GLT8D2: variants seen among roughly 807,000 people sequenced by gnomAD.
GLT8D2 encodes glycosyltransferase 8 domain-containing protein 2.
GLT8D2 carries 45 observed loss-of-function variants against 44.5 expected under a neutral mutation model. The ratio of observed to expected loss-of-function variants is 1.01; its 90% CI spans 0.80 to 1.30. The LOEUF is 1.30. GLT8D2 is among the 50% of genes most tolerant of loss of function. The pLI is 0.00. For missense variants in GLT8D2, 400 were observed against 430.4 expected, an observed-to-expected ratio of 0.93 and a Z score of 0.62; for synonymous variants, 156 against 157.2, an observed-to-expected ratio of 0.99 and a Z score of 0.06.
chr12:104,035,380 G>A (rs1027557414), intron 1 of GLT8D2, among the ~76,000 whole-genome samples: 2 of 152,206 alleles, frequency 1.3e-5, no homozygotes, highest in African/African-American at 4.8e-5. Context: ...CAAGCTACAG[G>A]AGGATGTTTG....
At chr12:103,997,945 ACACAC>A (rs1873685012) in intron 6 of GLT8D2, among the ~76,000 whole-genome samples, 1 of 145,964 alleles carries the variant, frequency 6.9e-6, no homozygotes, top group African/African-American at 2.5e-5. Flanking sequence ...ACACACACAC[ACACAC>A]ACACACGTGT....
intron 6 of GLT8D2, among the ~76,000 whole-genome samples, chr12:103,998,537 G>A (rs907336981): frequency 6.6e-6 from 1 of 152,090 alleles, no homozygotes. Flanking sequence ...AGACTCCCGA[G>A]TAGCCGGGGC....
At chr12:104,022,040 AGAAGAAGAAGAAGAAGG>A (rs1877939955) in intron 1 of GLT8D2, among the ~76,000 whole-genome samples, 1 of 134,318 alleles carries the variant, frequency 7.4e-6, no homozygotes, top group African/African-American at 3.3e-5. Context: ...AAGAAGAAGA[AGAAGAAGAAGAAGAAGG>A]GAAAGAAAGA....
At chr12:103,992,339 T>A (rs1872844636) in intron 10 of GLT8D2, among the ~76,000 whole-genome samples, 1 of 152,230 alleles carries the variant, frequency 6.6e-6, no homozygotes, top group South Asian at 2.1e-4. Context: ...GGATAAATTT[T>A]AATGGCAGCT....
intron 1 of GLT8D2, chr12:104,031,632 C>T: frequency 7.5e-7 from 1 of 1,340,502 alleles, no homozygotes; most frequent in South Asian, 1.2e-5. Flanking sequence ...TCACACTGAC[C>T]ACATCTGTAG....
chr12:104,004,218 T>C (rs1415652180), intron 4 of GLT8D2, among the ~76,000 whole-genome samples: 1 of 152,182 alleles, frequency 6.6e-6, no homozygotes, highest in Non-Finnish European at 1.5e-5. Context: ...TAGGCATTGA[T>C]GGGACGTATC....
intron 1 of GLT8D2, among the ~76,000 whole-genome samples, chr12:104,036,165 A>G (rs1879909124): frequency 6.6e-6 from 1 of 152,246 alleles, no homozygotes; most frequent in East Asian, 1.9e-4. Context: ...AGGGAGCACT[A>G]AACATGGAAA....
chr12:104,009,323 G>C (rs1010904958), intron 4 of GLT8D2, among the ~76,000 whole-genome samples: 2 of 152,218 alleles, frequency 1.3e-5, no homozygotes, highest in African/African-American at 4.8e-5. Flanking sequence ...AGATCATTTT[G>C]GAGCTTTAAA....
chr12:104,032,108 T>TA (rs540489013), intron 1 of GLT8D2, among the ~76,000 whole-genome samples: 1 of 143,520 alleles, frequency 7.0e-6, no homozygotes, highest in Non-Finnish European at 1.5e-5. Flanking sequence ...TTACTTTTAT[T>TA]AAAAAAGTAT....
chr12:104,058,070 CAG>C (rs996065819), intron 1 of GLT8D2, among the ~76,000 whole-genome samples: 4 of 152,194 alleles, frequency 2.6e-5, no homozygotes, highest in African/African-American at 9.6e-5. Flanking sequence ...AGTTACACAG[CAG>C]AGTTTCCAGA....
At chr12:104,054,012 T>C (rs2136533235), upstream of GLT8D2, among the ~76,000 whole-genome samples, 1 of 152,346 alleles carries the variant, frequency 6.6e-6, no homozygotes, top group South Asian at 2.1e-4. Context: ...ACATTCAAGA[T>C]GTACGGTGTT....
intron 1 of GLT8D2, among the ~76,000 whole-genome samples, chr12:104,047,296 C>G (rs1881259311): frequency 6.9e-6 from 1 of 144,328 alleles, no homozygotes; most frequent in Non-Finnish European, 1.5e-5. Context: ...TGAACCAGCT[C>G]TCTTAGGCCT....
At chr12:104,037,951 C>T (rs1348842472) in intron 1 of GLT8D2, among the ~76,000 whole-genome samples, 2 of 152,194 alleles carry the variant, frequency 1.3e-5, no homozygotes, top group African/African-American at 4.8e-5. Context: ...CCACCACGAT[C>T]AAGTTGGCCT....
chr12:104,052,541 G>A (rs1037407555), upstream of GLT8D2, among the ~76,000 whole-genome samples: 8 of 152,064 alleles, frequency 5.3e-5, no homozygotes, highest in African/African-American at 1.9e-4. Flanking sequence ...TAGGATCTGC[G>A]GCTGCAACAG....
At chr12:104,024,646 T>A (rs946667734) in intron 1 of GLT8D2, among the ~76,000 whole-genome samples, 1 of 152,214 alleles carries the variant, frequency 6.6e-6, no homozygotes, top group Admixed American at 6.5e-5. Context: ...ATTACTCACG[T>A]TGAGCATCTT....
At chr12:104,027,543 C>T (rs1358915380) in intron 1 of GLT8D2, among the ~76,000 whole-genome samples, 1 of 152,192 alleles carries the variant, frequency 6.6e-6, no homozygotes, top group Non-Finnish European at 1.5e-5. Context: ...AAACAAAAGT[C>T]TTTACAAATA....
At chr12:104,049,600 C>G (rs923419224) in intron 1 of GLT8D2, 3 of 152,148 alleles carry the variant, frequency 2.0e-5, no homozygotes, top group African/African-American at 7.2e-5. Context: ...TGTTTAAAAT[C>G]TGATACAAAT....
intron 1 of GLT8D2, among the ~76,000 whole-genome samples, chr12:104,058,729 G>A (rs561612488): frequency 3.3e-5 from 5 of 152,304 alleles, no homozygotes; most frequent in South Asian, 2.1e-4. Context: ...TGTTTGATAC[G>A]GAGGAGTGGG....
intron 7 of GLT8D2, 53 bp downstream of exon 7, chr12:103,997,398 T>C (rs578062693): frequency 1.6e-6 from 2 of 1,247,654 alleles, no homozygotes; most frequent in African/African-American, 3.0e-5. Flanking sequence ...AGACAGTTAT[T>C]CTACTTATCA....
Sources: gnomAD v4.1 joint callset for allele counts (sites outside exome capture counted in the v4.1 genomes callset) on GRCh38, gnomAD v4.1.1 for gene constraint, MANE v1.5 for transcripts, NCBI Gene and HGNC (gene_info 2026-07-23, HGNC 2026-07-21) for gene names.